The following FOLH1 variants were observed in gnomAD, a reference collection of about 807,000 sequenced individuals.
FOLH1 encodes the protein glutamate carboxypeptidase 2.
FOLH1 carries 54 observed loss-of-function variants against 93.9 expected under a neutral mutation model. That is an observed-to-expected ratio of 0.57 (90% CI 0.46 to 0.72). The LOEUF is 0.72. Among genes scored for constraint, FOLH1 ranks in the 30% least tolerant of loss-of-function variants. The pLI, the probability that FOLH1 is intolerant of heterozygous loss-of-function variation, is 0.00. For synonymous variants in FOLH1, 249 were observed against 303.6 expected (o/e 0.82, Z 1.87); for missense variants, 571 against 892.5 (o/e 0.64, Z 4.59).
rs547139367 is a variant in FOLH1, at chr11:49,200,342, A to T, written c.324T>A (p.Val108=). Residue 108 remains valine (V), a synonymous_variant, in exon 3 of 19, where the codon GTT becomes GTA. Coordinates refer to ENST00000256999, the MANE Select transcript of FOLH1 (RefSeq NM_004476.3). The part of the protein sequence containing the change: ...SQWKEFGLDS[V]ELAHYDVLLS... Reference sequence around the variant, plus strand: ...ACAGGACATCATAATGTGCTAGCTCAACAGAATCCAGGCCAAATTCTTTCC... The same window carrying T: ...ACAGGACATCATAATGTGCTAGCTCTACAGAATCCAGGCCAAATTCTTTCC... 13 of 1,613,552 alleles carry T rather than the reference A, an allele frequency of 8.1e-6. No homozygotes were observed. The East Asian group carries it at 2.7e-4, about 33-fold the overall frequency.
At chr11:49,175,360 C>T (rs1859879111) in intron 8 of FOLH1, among the ~76,000 whole-genome samples, 1 of 152,250 alleles carries the variant, frequency 6.6e-6, no homozygotes, top group East Asian at 1.9e-4. Context: ...GAACAGTCAA[C>T]AGCTTGTGAC....
chr11:49,182,592 G>C (rs1860894644), intron 7 of FOLH1, among the ~76,000 whole-genome samples: 1 of 152,242 alleles, frequency 6.6e-6, no homozygotes, highest in Non-Finnish European at 1.5e-5. Context: ...CTAGGGAAAA[G>C]CATGTGTGGA....
chr11:49,183,081 C>T (rs1220557470), intron 7 of FOLH1, 68 bp downstream of exon 7: 5 of 1,365,746 alleles, frequency 3.7e-6, no homozygotes, highest in Non-Finnish European at 4.0e-6. Flanking sequence ...GAGATAAAAG[C>T]CTAACATTTG....
intron 4 of FOLH1, among the ~76,000 whole-genome samples, 195 bp from the exon 5 acceptor site, chr11:49,186,964 C>T (rs1861458318): frequency 6.6e-6 from 1 of 152,062 alleles, no homozygotes; most frequent in South Asian, 2.1e-4. Context: ...GGGCTAGAAG[C>T]ACATGAATAA....
intron 3 of FOLH1, among the ~76,000 whole-genome samples, chr11:49,198,164 G>A (rs1862831529): frequency 6.6e-6 from 1 of 151,594 alleles, no homozygotes; most frequent in Admixed American, 6.6e-5. Flanking sequence ...ACTGGGAAGT[G>A]AGGAGGAACG....
chr11:49,198,539 A>G (rs1415639199), intron 3 of FOLH1, among the ~76,000 whole-genome samples: 1 of 152,108 alleles, frequency 6.6e-6, no homozygotes, highest in Non-Finnish European at 1.5e-5. Context: ...TCCACATTGT[A>G]CCTAGACAAT....
intron 17 of FOLH1, among the ~76,000 whole-genome samples, chr11:49,150,840 T>A (rs1285030642): frequency 6.6e-6 from 1 of 152,202 alleles, no homozygotes; most frequent in Non-Finnish European, 1.5e-5. Context: ...AGAAAAATCA[T>A]TACAATAAGA....
chr11:49,205,099 A>T (rs1863746996), intron 2 of FOLH1, among the ~76,000 whole-genome samples: 1 of 151,990 alleles, frequency 6.6e-6, no homozygotes, highest in Admixed American at 6.6e-5. Context: ...AATCCCAGGT[A>T]CTCAGGAGGC....
intron 12 of FOLH1, among the ~76,000 whole-genome samples, chr11:49,165,223 C>A (rs1437299128): frequency 6.6e-6 from 1 of 152,144 alleles, no homozygotes; most frequent in Non-Finnish European, 1.5e-5. Flanking sequence ...TATTACTCAT[C>A]TATTTAACAT....
chr11:49,183,559 G>A (rs569212658), intron 6 of FOLH1, among the ~76,000 whole-genome samples: 1 of 152,088 alleles, frequency 6.6e-6, no homozygotes, highest in East Asian at 1.9e-4. Flanking sequence ...AAGAAGACGT[G>A]TACAAAATTG....
chr11:49,157,839 A>G (rs1479482656), intron 14 of FOLH1, 113 bp downstream of exon 14: 2 of 1,001,054 alleles, frequency 2.0e-6, no homozygotes, highest in African/African-American at 1.6e-5. Flanking sequence ...TCTTTATCAG[A>G]TTTTAGACCA....
chr11:49,192,044 T>C (rs989479809), intron 4 of FOLH1, among the ~76,000 whole-genome samples: 23 of 152,360 alleles, frequency 1.5e-4, no homozygotes, highest in African/African-American at 5.5e-4. Context: ...CTTCAACTTC[T>C]TCAATAGATC....
Position 49,152,734 on chromosome 11 carries a change from T to C in FOLH1, c.1970+1112A>G, listed in dbSNP as rs528334812. 1.1e-4 allele frequency among the ~76,000 whole-genome samples: 16 copies of C among 152,294 alleles called. No homozygotes were observed. The South Asian group carries it at 2.9e-3, about 28-fold the overall frequency. ...AAGTTTTCAACTTTCTTAATTTTTC[T>C]TGTGAATATTAATTTTCGTATTCTG... On this transcript the variant is annotated intron_variant, in intron 17 of 18. Coordinates refer to ENST00000256999, the MANE Select transcript of FOLH1 (RefSeq NM_004476.3).
Position 49,146,718 on chromosome 11 carries a change from A to C in FOLH1, c.*38T>G, listed in dbSNP as rs1190988186. ...CATTACGATTCTTTCTGAGTGACAT[A>C]CCACACAAATTCAATACGGATTCTC... On this transcript the variant is annotated 3_prime_UTR_variant, in exon 19 of 19. Coordinates refer to ENST00000256999, the MANE Select transcript of FOLH1 (RefSeq NM_004476.3). 6.4e-7 allele frequency: 1 copy of C among 1,557,890 alleles called. No individual in the cohort carries two copies. Among genetic ancestry groups the C allele is most frequent in the Non-Finnish European group, 8.7e-7 (1 of 1,152,424 alleles).
chr11:49,163,200 TG>T (rs958787228), intron 13 of FOLH1, among the ~76,000 whole-genome samples: 2 of 152,110 alleles, frequency 1.3e-5, no homozygotes, highest in Non-Finnish European at 2.9e-5. Context: ...ACAGCAAAGA[TG>T]GTGGTTTGCC....
intron 13 of FOLH1, among the ~76,000 whole-genome samples, chr11:49,162,403 T>C (rs1185916558): frequency 2.6e-5 from 4 of 152,216 alleles, no homozygotes; most frequent in Admixed American, 2.0e-4. Context: ...ACTTGGTCTA[T>C]ACTGCTATCA....
intron 13 of FOLH1, 51 bp downstream of exon 13, chr11:49,164,654 A>G: frequency 7.6e-7 from 1 of 1,308,472 alleles, no homozygotes; most frequent in Non-Finnish European, 1.1e-6. Context: ...TACCTCAAGA[A>G]AACATCATTT....
At chr11:49,202,590 C>A (rs1442784850) in intron 2 of FOLH1, among the ~76,000 whole-genome samples, 2 of 152,156 alleles carry the variant, frequency 1.3e-5, no homozygotes, top group Non-Finnish European at 2.9e-5. Flanking sequence ...AAGGCATCTG[C>A]CTGCCTTGTC....
intron 5 of FOLH1, 97 bp from the exon 6 acceptor site, chr11:49,185,952 C>G (rs2135200449): frequency 4.3e-6 from 6 of 1,383,410 alleles, no homozygotes; most frequent in African/African-American, 3.0e-5. Flanking sequence ...AGTACCAGAA[C>G]TTTATCTTCA....
Sources: gnomAD v4.1 joint callset for allele counts (sites outside exome capture counted in the v4.1 genomes callset) on GRCh38, gnomAD v4.1.1 for gene constraint, MANE v1.5 for transcripts, NCBI Gene and HGNC (gene_info 2026-07-23, HGNC 2026-07-21) for gene names.